Variants in GALNS observed in about 807,000 individuals in gnomAD.
The protein encoded by GALNS is galactosamine (N-acetyl)-6-sulfatase, also known as N-acetylgalactosamine-6-sulfatase.
Under a neutral mutation model 65.9 loss-of-function variants are expected in GALNS, and 65 were observed. That is an observed-to-expected ratio of 0.99 (90% CI 0.81 to 1.21). The LOEUF is 1.21. GALNS is among the 50% of genes most tolerant of loss of function. The pLI, the probability that GALNS is intolerant of heterozygous loss-of-function variation, is 0.00. For synonymous variants in GALNS, 346 were observed against 288.9 expected (o/e 1.20, Z -2.00); for missense variants, 776 against 700.7 (o/e 1.11, Z -1.21).
chr16:88,817,916 C>T, intron 13 of GALNS, 91 bp downstream of exon 13: 2 of 1,090,146 alleles, frequency 1.8e-6, no homozygotes, highest in Non-Finnish European at 2.7e-6. Context: ...ACGCCTGCCT[C>T]TGCCCTGTGC....
chr16:88,816,850 G>C (rs1156361347), intron 13 of GALNS: 1 of 985,354 alleles, frequency 1.0e-6, no homozygotes, highest in Non-Finnish European at 1.2e-6. Context: ...AGCTGCCGAG[G>C]GGCCTTCTTC....
chr16:88,822,588 C>A lies in GALNS; in HGVS notation c.1364+1G>T. On this transcript the variant is annotated splice_donor_variant, in intron 12 of 13. Transcript: ENST00000268695. LOFTEE classifies it high-confidence loss of function. ...AGCCAGGAGGCCCTGCACCGACTCA[C>A]CTGAGGGGGAACCTCTCCCCTGGGT... is the stretch of plus-strand genomic sequence containing the variant. 6.2e-7 allele frequency: 1 copy of A among 1,612,428 alleles called. No homozygotes were observed. Among genetic ancestry groups the A allele is most frequent in the Non-Finnish European group, 8.5e-7 (1 of 1,179,668 alleles).
At chr16:88,841,509 C>T (rs945486243) in intron 3 of GALNS, among the ~76,000 whole-genome samples, 5 of 152,220 alleles carry the variant, frequency 3.3e-5, no homozygotes, top group South Asian at 2.1e-4. Flanking sequence ...AATCCCACTT[C>T]CCCTGTGAGA....
chr16:88,852,337 A>C (rs886883920), intron 1 of GALNS, among the ~76,000 whole-genome samples: 2 of 152,250 alleles, frequency 1.3e-5, no homozygotes, highest in African/African-American at 4.8e-5. Flanking sequence ...AATAGCATCA[A>C]CATCAACAAA....
At chr16:88,834,122 A>G (rs1386453641) in intron 8 of GALNS, among the ~76,000 whole-genome samples, 2 of 152,024 alleles carry the variant, frequency 1.3e-5, no homozygotes, top group African/African-American at 4.8e-5. Flanking sequence ...CGGGAGATGG[A>G]GCTGTCCGGA....
intron 1 of GALNS, chr16:88,856,272 C>G (rs1384361262): frequency 1.4e-5 from 10 of 702,920 alleles, no homozygotes; most frequent in African/African-American, 7.0e-5. Flanking sequence ...AGCGGGGGGA[C>G]CCGGCGGCCC....
At chr16:88,815,897 C>T in intron 13 of GALNS, 4 of 985,384 alleles carry the variant, frequency 4.1e-6, no homozygotes, top group Non-Finnish European at 4.8e-6. Context: ...CTCAGCTGTC[C>T]CAGAAGCAGG....
chr16:88,837,484 C>G lies in GALNS; in HGVS notation c.566+138G>C, dbSNP rs1043659590. Reference sequence around the variant, plus strand: ...TGGGACAGAAGCCACCAAACCAAAGCCCTCGGTGCCCGGGGACCCAGGGAC... The same window carrying G: ...TGGGACAGAAGCCACCAAACCAAAGGCCTCGGTGCCCGGGGACCCAGGGAC... On this transcript the variant is annotated intron_variant, in intron 5 of 13. Coordinates refer to ENST00000268695, the MANE Select transcript of GALNS (RefSeq NM_000512.5). The G allele has an allele frequency of 5.9e-6, 5 of 846,078 alleles. No homozygotes were observed. The African/African-American group carries it at 8.4e-5, about 14-fold the overall frequency. The allele number at this position is 846,078 out of a possible 1,614,324, so 52.4% of individuals were successfully genotyped here.
At chr16:88,820,432 C>T (rs544961758) in intron 12 of GALNS, among the ~76,000 whole-genome samples, 2 of 152,304 alleles carry the variant, frequency 1.3e-5, no homozygotes, top group Admixed American at 6.5e-5. Flanking sequence ...ACCGGCCACC[C>T]GTCTTTAATT....
intron 1 of GALNS, among the ~76,000 whole-genome samples, chr16:88,847,004 G>C (rs933158683): frequency 6.6e-6 from 1 of 152,122 alleles, no homozygotes; most frequent in Non-Finnish European, 1.5e-5. Flanking sequence ...ACACCTGGAC[G>C]GCAGGGAGGG....
intron 4 of GALNS, among the ~76,000 whole-genome samples, chr16:88,839,105 G>A (rs112330882): frequency 7.2e-5 from 11 of 152,208 alleles, no homozygotes; most frequent in African/African-American, 2.6e-4. Flanking sequence ...GGACACTCGT[G>A]CGTCCACGTC....
chr16:88,834,129 C>T (rs903650208), intron 8 of GALNS, among the ~76,000 whole-genome samples: 3 of 152,212 alleles, frequency 2.0e-5, no homozygotes, highest in African/African-American at 7.2e-5. Flanking sequence ...TGGAGCTGTC[C>T]GGAGGGCCTG....
intron 5 of GALNS, among the ~76,000 whole-genome samples, chr16:88,836,771 C>T (rs771035333): frequency 6.6e-6 from 1 of 152,162 alleles, no homozygotes; most frequent in Admixed American, 6.5e-5. Flanking sequence ...TGGCTGAGGC[C>T]GGTGCTGCAA....
At chr16:88,823,096 C>T (rs1910421512) in intron 11 of GALNS, among the ~76,000 whole-genome samples, 1 of 152,132 alleles carries the variant, frequency 6.6e-6, no homozygotes, top group Non-Finnish European at 1.5e-5. Flanking sequence ...ATCTGGACTG[C>T]CACTAATTTC....
chr16:88,854,916 G>A (rs1052447361), intron 1 of GALNS, among the ~76,000 whole-genome samples: 14 of 152,198 alleles, frequency 9.2e-5, no homozygotes, highest in South Asian at 6.2e-4. Flanking sequence ...GCTGCCAAAC[G>A]ACCCCACAAG....
At chr16:88,842,022 AC>A (rs531438979) in intron 2 of GALNS, 51 bp from the exon 3 acceptor site, 1 of 1,531,146 alleles carries the variant, frequency 6.5e-7, no homozygotes, top group South Asian at 1.2e-5. Context: ...TGTGGCTCAG[AC>A]CCCGGGCGTC....
intron 4 of GALNS, among the ~76,000 whole-genome samples, chr16:88,838,061 C>T (rs1912331837): frequency 1.3e-5 from 2 of 152,190 alleles, no homozygotes; most frequent in South Asian, 2.1e-4. Context: ...GCCTCCCAGC[C>T]GCCTGGAACC....
chr16:88,839,265 C>T (rs986622389), intron 4 of GALNS, among the ~76,000 whole-genome samples: 4 of 149,626 alleles, frequency 2.7e-5, no homozygotes, highest in African/African-American at 7.6e-5. Context: ...GGTCACCGCC[C>T]GGCCACAGGG....
chr16:88,815,278 C>T (rs927470611), intron 13 of GALNS: 53 of 985,340 alleles, frequency 5.4e-5, no homozygotes, highest in South Asian at 1.9e-4. Flanking sequence ...TGAGGGCCTC[C>T]GAGGGCCAGC....
Sources: allele counts gnomAD v4.1 joint callset (sites outside exome capture counted in the v4.1 genomes callset), GRCh38; gene constraint gnomAD v4.1.1; transcripts MANE v1.5; gene names NCBI Gene and HGNC (gene_info 2026-07-23, HGNC 2026-07-21).